Variants in ACER2 observed in about 807,000 individuals in gnomAD.
ACER2 encodes the protein alkCDase 2.
A neutral mutation model predicts 34.7 loss-of-function variants in ACER2; 26 were observed. The observed-to-expected ratio is 0.75, with a 90% confidence interval of 0.55 to 1.04. ACER2 has a LOEUF of 1.04. Ranked by LOEUF, ACER2 falls within the 50% of genes least tolerant of loss-of-function variation. ACER2 has a pLI of 0.00. For synonymous variants in ACER2, 138 were observed against 132.1 expected, an observed-to-expected ratio of 1.04 and a Z score of -0.31; for missense variants, 352 against 340.8, an observed-to-expected ratio of 1.03 and a Z score of -0.26.
At chr9:19,424,238 G>T in intron 2 of ACER2, 1 of 522,256 alleles carries the variant, frequency 1.9e-6, no homozygotes, top group Non-Finnish European at 2.5e-6. Flanking sequence ...AACGTCTGAA[G>T]AAAGTCAGGT....
chr9:19,448,878 C>T (rs557107811), intron 5 of ACER2, among the ~76,000 whole-genome samples: 1 of 152,264 alleles, frequency 6.6e-6, no homozygotes, highest in East Asian at 1.9e-4. Flanking sequence ...TGGTGGCTCA[C>T]GCCCGTAATC....
chr9:19,433,814 C>A (rs1182815350), intron 3 of ACER2, among the ~76,000 whole-genome samples: 2 of 141,188 alleles, frequency 1.4e-5, no homozygotes, highest in Admixed American at 7.0e-5. Flanking sequence ...CCGGACGGGG[C>A]GGCTGGCCGG....
chr9:19,421,730 A>G (rs1257479301), intron 1 of ACER2, among the ~76,000 whole-genome samples: 1 of 152,210 alleles, frequency 6.6e-6, no homozygotes, highest in Non-Finnish European at 1.5e-5. Flanking sequence ...ACACTTTAAA[A>G]TGGTTAGTTT....
At chr9:19,413,898 G>A (rs894684419) in intron 1 of ACER2, among the ~76,000 whole-genome samples, 1 of 152,242 alleles carries the variant, frequency 6.6e-6, no homozygotes, top group South Asian at 2.1e-4. Context: ...TGAATCTATC[G>A]GTCGATCCAT....
At chr9:19,445,653 G>A (rs1423861264) in intron 4 of ACER2, among the ~76,000 whole-genome samples, 1 of 152,244 alleles carries the variant, frequency 6.6e-6, no homozygotes, top group East Asian at 1.9e-4. Context: ...TGGGATATTT[G>A]TGGAACAGCA....
chr9:19,409,101 G>T lies in ACER2; in HGVS notation c.17G>T (p.Trp6Leu). 6.3e-7 allele frequency: 1 copy of T among 1,598,394 alleles called. No individual in the cohort carries two copies. The highest frequency in any genetic ancestry group is 1.1e-5 in the South Asian group (1 of 88,156). ...GGAGTGGCCATGGGCGCCCCGCACTGGTGGGACCAGCTGCAGGCTGGTAGC... is the reference window on the plus strand; with the variant it reads ...GGAGTGGCCATGGGCGCCCCGCACTTGTGGGACCAGCTGCAGGCTGGTAGC... The part of the protein sequence containing the change: MGAPH[W>L]WDQLQAGSSE... The change falls in exon 1 of 6, where the codon TGG becomes TTG. Residue 6 changes from tryptophan (W) to leucine (L), a missense_variant. By Grantham distance (61) the Trp-to-Leu change is moderately conservative. Transcript: ENST00000340967.
chr9:19,430,403 A>G (rs771191102), intron 3 of ACER2, among the ~76,000 whole-genome samples: 43 of 152,354 alleles, frequency 2.8e-4, no homozygotes, highest in Middle Eastern at 3.4e-3. Flanking sequence ...AAACAGGACC[A>G]GAGGCTGTCA....
rs555406291 is a variant in ACER2 at position 19,411,688 on chromosome 9, T to C, written c.108+2496T>C. Among the ~76,000 whole-genome samples, 3 of 152,336 alleles carry C rather than the reference T, an allele frequency of 2.0e-5. No homozygotes were observed. The South Asian group carries it at 6.2e-4, about 32-fold the overall frequency. On this transcript the variant is annotated intron_variant, in intron 1 of 5. Transcript: ENST00000340967. ...CCTCATAATAAGGCAACAGGTCTAA[T>C]TACCCAGTTTATAGGAAACTCATAA...
Position 19,418,644 on chromosome 9 carries a change from C to T in ACER2, c.109-5218C>T, listed in dbSNP as rs551657689. ...TTCTCACTCATAAGTGGGAGTGGAA[C>T]GAGAACACATGGACACAGGGAGGGA... On this transcript the variant is annotated intron_variant, in intron 1 of 5. Coordinates refer to ENST00000340967, the MANE Select transcript of ACER2 (RefSeq NM_001010887.3). Among the ~76,000 whole-genome samples, 7 of 151,978 alleles carry T rather than the reference C, an allele frequency of 4.6e-5. No homozygotes were observed. The East Asian group carries it at 1.2e-3, about 25-fold the overall frequency.
At chr9:19,422,399 T>A (rs1830432721) in intron 1 of ACER2, among the ~76,000 whole-genome samples, 1 of 152,152 alleles carries the variant, frequency 6.6e-6, no homozygotes, top group Non-Finnish European at 1.5e-5. Flanking sequence ...TAAGATAGAT[T>A]ATTAAAATTT....
chr9:19,443,833 T>G (rs1419427718), intron 4 of ACER2, among the ~76,000 whole-genome samples: 1 of 151,896 alleles, frequency 6.6e-6, no homozygotes, highest in African/African-American at 2.4e-5. Flanking sequence ...ATTTTTGTAT[T>G]TTTGGTAGAG....
chr9:19,436,019 A>T (rs1337462302), intron 4 of ACER2, among the ~76,000 whole-genome samples: 1 of 152,128 alleles, frequency 6.6e-6, no homozygotes, highest in Admixed American at 6.5e-5. Context: ...ACTGCATTCC[A>T]GCCTGGGTGA....
chr9:19,424,378 G>A, intron 2 of ACER2: 4 of 985,372 alleles, frequency 4.1e-6, no homozygotes, highest in South Asian at 4.7e-5. Flanking sequence ...GGCAGCCTGG[G>A]AATTCTTAAC....
chr9:19,430,268 A>G (rs1015876507), intron 3 of ACER2, among the ~76,000 whole-genome samples: 6 of 152,200 alleles, frequency 3.9e-5, no homozygotes, highest in African/African-American at 1.2e-4. Flanking sequence ...CAGCTTTACT[A>G]TAAAAATATT....
At position 19,431,306 on chromosome 9, in the gene ACER2, A is replaced by G. The variant is rs374865274; in HGVS notation, c.366-3641A>G. On this transcript the variant is annotated intron_variant, in intron 3 of 5. Coordinates refer to ENST00000340967, the MANE Select transcript of ACER2 (RefSeq NM_001010887.3). ...GCTCAAAGAGTTGAGTTACTTGCCAAAGGTCTCACAGCTACTAAGCAATGG... is the reference window on the plus strand; with the variant it reads ...GCTCAAAGAGTTGAGTTACTTGCCAGAGGTCTCACAGCTACTAAGCAATGG... Among the ~76,000 whole-genome samples, 5 of 152,300 alleles carry G rather than the reference A, an allele frequency of 3.3e-5. No individual in the cohort carries two copies. In the East Asian group the frequency reaches 5.8e-4, roughly 18 times the overall value.
chr9:19,424,508 T>G, intron 2 of ACER2, 192 bp from the exon 3 acceptor site: 1 of 985,378 alleles, frequency 1.0e-6, no homozygotes, highest in Non-Finnish European at 1.2e-6. Context: ...TGGGCCCTAG[T>G]TGAAATCTTC....
At chr9:19,441,485 C>T (rs117884774) in intron 4 of ACER2, among the ~76,000 whole-genome samples, 1 of 152,290 alleles carries the variant, frequency 6.6e-6, no homozygotes, top group South Asian at 2.1e-4. Flanking sequence ...GCCACTCTGA[C>T]CTTCTGTTTC....
At chr9:19,411,300 AGGT>A (rs1830077959) in intron 1 of ACER2, among the ~76,000 whole-genome samples, 1 of 152,212 alleles carries the variant, frequency 6.6e-6, no homozygotes, top group Admixed American at 6.5e-5. Context: ...AGAGAGCGTA[AGGT>A]GTCAGAGAAT....
chr9:19,416,400 G>A (rs976735871), intron 1 of ACER2, among the ~76,000 whole-genome samples: 1 of 152,178 alleles, frequency 6.6e-6, no homozygotes, highest in Non-Finnish European at 1.5e-5. Flanking sequence ...AAAATCAGCT[G>A]GGAGCAGTGG....
Sources: allele counts gnomAD v4.1 joint callset (sites outside exome capture counted in the v4.1 genomes callset), GRCh38; gene constraint gnomAD v4.1.1; transcripts MANE v1.5; gene names NCBI Gene and HGNC (gene_info 2026-07-23, HGNC 2026-07-21).